Variants in KSR2 observed in about 807,000 individuals in gnomAD.
KSR2 encodes kinase suppressor of ras 2.
Under a neutral mutation model 107.8 loss-of-function variants are expected in KSR2, and 25 were observed. The observed-to-expected ratio is 0.23, with a 90% CI of 0.17 to 0.32. KSR2 has a LOEUF of 0.32. Ranked by LOEUF, KSR2 falls within the 10% of genes least tolerant of loss-of-function variation. The pLI, the probability that KSR2 is intolerant of heterozygous loss-of-function variation, is 1.00. For synonymous variants in KSR2, 480 were observed against 507.0 expected (o/e 0.95, Z 0.71); for missense variants, 887 against 1,268.9 (o/e 0.70, Z 4.57).
In KSR2 at chr12:117,860,314, C is replaced by G; in HGVS notation, c.298G>C (p.Asp100His). 1 of 1,613,594 alleles carries G rather than the reference C, an allele frequency of 6.2e-7. No homozygotes were observed. Among genetic ancestry groups the G allele is most frequent in the Non-Finnish European group, 8.5e-7 (1 of 1,179,596 alleles). ...PQLRHWFRIV[D>H]VRKEVLEEIS... ...ACCTCCAGGACCTCCTTGCGCACATCGACGATTCGGAACCAGTGCCGTAGC... is the reference window on the plus strand; with the variant it reads ...ACCTCCAGGACCTCCTTGCGCACATGGACGATTCGGAACCAGTGCCGTAGC... The change falls in exon 2 of 20, where the codon GAT (aspartate) becomes CAT (histidine). Residue 100 changes from aspartate to histidine, a missense_variant. Around this residue, in one of 8 missense-constraint regions of KSR2, gnomAD observed 399 missense variants for 479.5 expected, o/e 0.83. Transcript: ENST00000339824.
intron 4 of KSR2, among the ~76,000 whole-genome samples, chr12:117,668,452 A>G (rs1425567967): frequency 6.6e-6 from 1 of 152,182 alleles, no homozygotes; most frequent in Non-Finnish European, 1.5e-5. Context: ...GCTGCCAGAG[A>G]TCAGAAGAGT....
chr12:117,838,658 G>A (rs896895414), intron 3 of KSR2, among the ~76,000 whole-genome samples: 2 of 152,106 alleles, frequency 1.3e-5, no homozygotes, highest in Non-Finnish European at 2.9e-5. Context: ...TACCACTTGT[G>A]CAAATATTCA....
intron 1 of KSR2, among the ~76,000 whole-genome samples, chr12:117,952,186 T>TACACACCCAC (rs1896384458): frequency 1.0e-5 from 1 of 96,546 alleles, no homozygotes; most frequent in Non-Finnish European, 2.3e-5. Flanking sequence ...CACACACACA[T>TACACACCCAC]ACACATACAC....
intron 4 of KSR2, among the ~76,000 whole-genome samples, chr12:117,699,401 G>A (rs2136610366): frequency 6.6e-6 from 1 of 152,202 alleles, no homozygotes; most frequent in South Asian, 2.1e-4. Flanking sequence ...AATGCATTAG[G>A]TTATTTTTGT....
At chr12:117,817,431 T>C (rs1232933926) in intron 3 of KSR2, among the ~76,000 whole-genome samples, 2 of 151,994 alleles carry the variant, frequency 1.3e-5, no homozygotes, top group Non-Finnish European at 2.9e-5. Context: ...ATTAGACGGC[T>C]CTAATTAATG....
intron 3 of KSR2, among the ~76,000 whole-genome samples, chr12:117,806,520 A>G (rs1015644340): frequency 2.6e-5 from 4 of 152,214 alleles, no homozygotes; most frequent in African/African-American, 4.8e-5. Context: ...AAGGAAATTT[A>G]CAAAACATGA....
intron 1 of KSR2, among the ~76,000 whole-genome samples, chr12:117,903,023 TTAGAA>T (rs1283375064): frequency 1.3e-5 from 2 of 152,214 alleles, no homozygotes; most frequent in Admixed American, 6.5e-5. Flanking sequence ...TTTTAAGCAC[TTAGAA>T]TAGAGCTTTG....
intron 4 of KSR2, among the ~76,000 whole-genome samples, chr12:117,742,512 A>T (rs961775425): frequency 8.5e-6 from 1 of 118,334 alleles, no homozygotes; most frequent in Non-Finnish European, 1.9e-5. Context: ...GATAAAATGG[A>T]TGGATGGATG....
At chr12:117,560,344 G>T (rs1027295332) in intron 7 of KSR2, among the ~76,000 whole-genome samples, 4 of 151,940 alleles carry the variant, frequency 2.6e-5, no homozygotes, top group South Asian at 2.1e-4. Flanking sequence ...CTCTTGTTTG[G>T]TCTTTCATGG....
intron 1 of KSR2, among the ~76,000 whole-genome samples, chr12:117,926,103 A>G (rs1895509188): frequency 6.6e-6 from 1 of 152,182 alleles, no homozygotes. Context: ...AGGCTGAGGC[A>G]GGAGAATCAC....
At position 117,936,524 on chromosome 12, in the gene KSR2, T is replaced by TAG. The variant is rs1566089563; in HGVS notation, c.180+31551_180+31552insCT. Reference sequence around the variant, plus strand: ...CATTATTATTATTTTATTATTATTATTATTATTATTAGTAGTAGTAGTAGT... The same window carrying TAG: ...CATTATTATTATTTTATTATTATTATAGTATTATTATTAGTAGTAGTAGTAGT... On this transcript the variant is annotated intron_variant, in intron 1 of 19. Transcript: ENST00000339824. 3.8e-3 allele frequency among the ~76,000 whole-genome samples: 353 copies of TAG among 93,760 alleles called. 1 individual carries two copies. Among genetic ancestry groups the TAG allele is most frequent in the Middle Eastern group, 0.032 (7 of 220 alleles). 61.5% of individuals were successfully genotyped at this position (93,760 alleles called of 152,430 possible).
intron 5 of KSR2, among the ~76,000 whole-genome samples, chr12:117,618,329 T>A (rs1452902506): frequency 6.6e-6 from 1 of 152,034 alleles, no homozygotes; most frequent in African/African-American, 2.4e-5. Context: ...GGTCCCCTTC[T>A]GCTTGATGGA....
intron 1 of KSR2, among the ~76,000 whole-genome samples, chr12:117,961,802 A>C (rs998884690): frequency 6.6e-6 from 1 of 152,186 alleles, no homozygotes; most frequent in Non-Finnish European, 1.5e-5. Context: ...GTTTAAAGAT[A>C]GTTCATGACA....
At chr12:117,821,991 A>G (rs186510210) in intron 3 of KSR2, among the ~76,000 whole-genome samples, 2 of 152,334 alleles carry the variant, frequency 1.3e-5, no homozygotes, top group Admixed American at 1.3e-4. Context: ...TCTTCCTGAT[A>G]AAACAGGTTG....
chr12:117,916,769 A>G (rs924772764), intron 1 of KSR2, among the ~76,000 whole-genome samples: 5 of 152,250 alleles, frequency 3.3e-5, no homozygotes, highest in Admixed American at 2.0e-4. Context: ...AATAATGTGC[A>G]CCAGAATAGA....
At position 117,760,998 on chromosome 12, in the gene KSR2, C is replaced by G; in HGVS notation, c.986+13G>C. ...GTTTCGACCGCCCCAGGGCACCCACCGATCGCACTCACTTGGGCGTGTGGG... is the reference window on the plus strand; with the variant it reads ...GTTTCGACCGCCCCAGGGCACCCACGGATCGCACTCACTTGGGCGTGTGGG... On this transcript the variant is annotated intron_variant, in intron 4 of 19. Coordinates refer to ENST00000339824, the MANE Select transcript of KSR2 (RefSeq NM_173598.6). 6.2e-7 allele frequency: 1 copy of G among 1,612,972 alleles called. No individual in the cohort carries two copies. The highest frequency in any genetic ancestry group is 1.1e-5 in the South Asian group (1 of 91,036).
intron 1 of KSR2, among the ~76,000 whole-genome samples, chr12:117,909,043 A>G (rs1409907827): frequency 6.6e-6 from 1 of 152,018 alleles, no homozygotes; most frequent in Non-Finnish European, 1.5e-5. Context: ...CACCACCAAG[A>G]CTCAAACTTA....
intron 3 of KSR2, among the ~76,000 whole-genome samples, chr12:117,801,355 T>C (rs1890826852): frequency 6.6e-6 from 1 of 151,786 alleles, no homozygotes; most frequent in South Asian, 2.1e-4. Flanking sequence ...TCTCAAACTG[T>C]TGGCCTCAAG....
chr12:117,564,124 C>A (rs141532163), intron 7 of KSR2, among the ~76,000 whole-genome samples: 18 of 152,166 alleles, frequency 1.2e-4, no homozygotes, highest in African/African-American at 4.1e-4. Flanking sequence ...GCTCCATTCC[C>A]GAAGGAGGAA....
Sources: gnomAD v4.1 joint callset for allele counts (sites outside exome capture counted in the v4.1 genomes callset) on GRCh38, gnomAD v4.1.1 for gene constraint, gnomAD v4.1.1 regional missense constraint, MANE v1.5 for transcripts, NCBI Gene and HGNC (gene_info 2026-07-23, HGNC 2026-07-21) for gene names.